The following FAM78B variants were observed in gnomAD, a reference collection of about 807,000 sequenced individuals.
FAM78B encodes protein FAM78B.
Under a neutral mutation model 20.0 loss-of-function variants are expected in FAM78B, and 10 were observed. The observed-to-expected ratio is 0.50, with a 90% CI of 0.31 to 0.85. The LOEUF is 0.85. Ranked by LOEUF, FAM78B falls within the 40% of genes least tolerant of loss-of-function variation. The pLI, the probability that FAM78B is intolerant of heterozygous loss-of-function variation, is 0.05. For synonymous variants in FAM78B, 135 were observed against 132.8 expected (o/e 1.02, Z -0.12); for missense variants, 283 against 345.0 (o/e 0.82, Z 1.42).
chr1:166,092,675 C>T (rs974305540), intron 1 of FAM78B, among the ~76,000 whole-genome samples: 6 of 152,158 alleles, frequency 3.9e-5, no homozygotes, highest in Non-Finnish European at 7.3e-5. Flanking sequence ...GACCCGAGGG[C>T]GTGGGCTCCC....
chr1:166,087,904 G>A (rs1267461223), intron 1 of FAM78B, among the ~76,000 whole-genome samples: 1 of 152,172 alleles, frequency 6.6e-6, no homozygotes, highest in African/African-American at 2.4e-5. Context: ...AATGACTACA[G>A]TGCAAGGAGG....
At chr1:166,077,684 T>A (rs1652336213) in intron 1 of FAM78B, among the ~76,000 whole-genome samples, 1 of 139,688 alleles carries the variant, frequency 7.2e-6, no homozygotes, top group African/African-American at 2.7e-5. Context: ...TATATATTTA[T>A]ATATAAATTA....
chr1:166,125,831 A>ATT (rs2101773170), intron 1 of FAM78B, among the ~76,000 whole-genome samples: 2 of 79,352 alleles, frequency 2.5e-5, no homozygotes, highest in Non-Finnish European at 2.8e-5. Context: ...TGCTACTTTG[A>ATT]ATTTTTTTTT....
chr1:166,084,148 C>T (rs1652697703), intron 1 of FAM78B, among the ~76,000 whole-genome samples: 1 of 150,946 alleles, frequency 6.6e-6, no homozygotes, highest in Admixed American at 6.6e-5. Flanking sequence ...ACAAAGAGCA[C>T]CTACTTTGTT....
intron 1 of FAM78B, among the ~76,000 whole-genome samples, chr1:166,112,805 C>A (rs202174446): frequency 6.6e-6 from 1 of 152,140 alleles, no homozygotes; most frequent in Admixed American, 6.5e-5. Context: ...GTCTTCCCAA[C>A]AATCCTATGA....
intron 1 of FAM78B, among the ~76,000 whole-genome samples, chr1:166,108,810 G>A (rs1277023881): frequency 6.6e-6 from 1 of 152,054 alleles, no homozygotes; most frequent in Non-Finnish European, 1.5e-5. Flanking sequence ...TACAAAAATA[G>A]GCACATAGAC....
intron 1 of FAM78B, among the ~76,000 whole-genome samples, chr1:166,144,703 C>T (rs1404542381): frequency 1.3e-5 from 2 of 152,060 alleles, no homozygotes; most frequent in African/African-American, 4.8e-5. Flanking sequence ...CTATTTTCTC[C>T]AGCAACAAGG....
At chr1:166,127,320 C>G (rs1383763179) in intron 1 of FAM78B, among the ~76,000 whole-genome samples, 1 of 152,182 alleles carries the variant, frequency 6.6e-6, no homozygotes, top group East Asian at 1.9e-4. Context: ...TATTGGCTGC[C>G]TCCACCCCAA....
intron 1 of FAM78B, among the ~76,000 whole-genome samples, chr1:166,155,871 A>G (rs184101158): frequency 1.8e-3 from 276 of 152,266 alleles, no homozygotes; most frequent in Non-Finnish European, 2.8e-3. Context: ...CTCTTCCCCT[A>G]CATATCCCAG....
At chr1:166,162,722 A>G (rs547545390) in intron 1 of FAM78B, among the ~76,000 whole-genome samples, 2 of 152,242 alleles carry the variant, frequency 1.3e-5, no homozygotes, top group Admixed American at 6.5e-5. Flanking sequence ...TTCCTTTTCC[A>G]GACTATGTTA....
At chr1:166,058,570 C>T (rs1320103669) in exon 3 of FAM78B, 1 of 151,226 alleles carries the variant, frequency 6.6e-6, no homozygotes, top group Non-Finnish European at 1.5e-5. Flanking sequence ...ATTATACATT[C>T]TATGTATATA....
At chr1:166,080,282 G>A (rs757334785) in intron 1 of FAM78B, among the ~76,000 whole-genome samples, 1 of 152,046 alleles carries the variant, frequency 6.6e-6, no homozygotes, top group East Asian at 1.9e-4. Context: ...ATTGCTAAAC[G>A]ACCCCTCTCC....
rs369386613 is a variant in FAM78B at position 166,094,424 on chromosome 1, G to A, written c.264-23661C>T. On this transcript the variant is annotated intron_variant, in intron 1 of 1. Coordinates refer to ENST00000354422, the MANE Select transcript of FAM78B (RefSeq NM_001017961.5). Reference sequence around the variant, plus strand: ...GGGCTCTCCACTGTGAAGTGTGCATGCAATGCTGACACCTGCTCTTTGACA... The same window carrying A: ...GGGCTCTCCACTGTGAAGTGTGCATACAATGCTGACACCTGCTCTTTGACA... 5.3e-5 allele frequency among the ~76,000 whole-genome samples: 8 copies of A among 152,306 alleles called. No homozygotes were observed. In the East Asian group the frequency reaches 1.4e-3, roughly 26 times the overall value.
At chr1:166,109,838 ATG>A (rs201240807) in intron 1 of FAM78B, among the ~76,000 whole-genome samples, 3,044 of 20,758 alleles carry the variant, frequency 0.15, 575 homozygotes, top group South Asian at 0.2. Flanking sequence ...ATATGTATAT[ATG>A]TATATATATA....
At chr1:166,138,875 G>T (rs78155649) in intron 1 of FAM78B, among the ~76,000 whole-genome samples, 315 of 152,324 alleles carry the variant, frequency 2.1e-3, no homozygotes, top group African/African-American at 7.2e-3. Flanking sequence ...TTTGTTGAAT[G>T]AATTAATAAT....
At chr1:166,062,549 T>C (rs1256479117) in intron 2 of FAM78B, among the ~76,000 whole-genome samples, 1 of 152,216 alleles carries the variant, frequency 6.6e-6, no homozygotes, top group Non-Finnish European at 1.5e-5. Context: ...ACTTAGGAAA[T>C]TTTTCAGGTG....
At position 166,070,230 on chromosome 1, in the gene FAM78B, C is replaced by T. The variant is rs1294727675; in HGVS notation, c.*11G>A. The T allele has an allele frequency of 6.6e-7, 1 of 1,518,008 alleles. No homozygotes were observed. The highest frequency in any genetic ancestry group is 2.3e-5 in the East Asian group (1 of 43,958). The allele number at this position is 1,518,008 out of a possible 1,614,324, so 94.0% of individuals were successfully genotyped here. On this transcript the variant is annotated 3_prime_UTR_variant, in exon 2 of 2. Coordinates refer to ENST00000354422, the MANE Select transcript of FAM78B (RefSeq NM_001017961.5). ...GGCGTGTGATCCACACACAGTCAGG[C>T]CAGTCTGCTTCTACTTAGGAGGGAT...
chr1:166,121,527 C>T (rs1301519443), intron 1 of FAM78B, among the ~76,000 whole-genome samples: 2 of 152,178 alleles, frequency 1.3e-5, no homozygotes, highest in African/African-American at 4.8e-5. Flanking sequence ...GAGCTCCATA[C>T]CCTGTGGAAA....
chr1:166,120,709 G>A (rs1238095870), intron 1 of FAM78B, among the ~76,000 whole-genome samples: 2 of 152,204 alleles, frequency 1.3e-5, no homozygotes, highest in Non-Finnish European at 2.9e-5. Flanking sequence ...CTGAAGTGAG[G>A]TGGGTGGATG....
Sources: gnomAD v4.1 joint callset for allele counts (sites outside exome capture counted in the v4.1 genomes callset) on GRCh38, gnomAD v4.1.1 for gene constraint, MANE v1.5 for transcripts, NCBI Gene and HGNC (gene_info 2026-07-23, HGNC 2026-07-21) for gene names.